The following SYT7 variants were observed in gnomAD, a reference collection of about 807,000 sequenced individuals.
The protein encoded by SYT7 is synaptotagmin 7, also known as synaptotagmin-7.
A neutral mutation model predicts 75.1 loss-of-function variants in SYT7; 29 were observed. The observed-to-expected ratio is 0.39, with a 90% CI of 0.29 to 0.53. The LOEUF (loss-of-function observed/expected upper bound fraction) is 0.53, where lower values mean the gene tolerates loss of function less well. SYT7 is among the 20% of genes least tolerant of loss of function. The probability of loss-of-function intolerance (pLI) is 0.77; values close to 1 mark genes in which losing one functional copy is unlikely to be tolerated. For synonymous variants in SYT7, 376 were observed against 401.7 expected (o/e 0.94, Z 0.76); for missense variants, 693 against 953.2 (o/e 0.73, Z 3.59).
chr11:61,584,128 G>T (rs986154339), upstream of SYT7, among the ~76,000 whole-genome samples: 1 of 152,070 alleles, frequency 6.6e-6, no homozygotes, highest in Admixed American at 6.5e-5. Flanking sequence ...GGTGGCTCAC[G>T]CCTGTAATCC....
intron 1 of SYT7, among the ~76,000 whole-genome samples, chr11:61,562,675 A>G (rs2063669055): frequency 6.6e-6 from 1 of 152,166 alleles, no homozygotes; most frequent in Admixed American, 6.5e-5. Flanking sequence ...CCCTCCCAGG[A>G]CCTGCAGGGC....
At chr11:61,563,602 T>G (rs1480671501) in intron 1 of SYT7, among the ~76,000 whole-genome samples, 1 of 152,168 alleles carries the variant, frequency 6.6e-6, no homozygotes, top group Non-Finnish European at 1.5e-5. Flanking sequence ...GTGATGGCAT[T>G]CTATAATGTG....
At chr11:61,581,551 C>T (rs1411610403), upstream of SYT7, among the ~76,000 whole-genome samples, 1 of 152,342 alleles carries the variant, frequency 6.6e-6, no homozygotes, top group East Asian at 1.9e-4. Context: ...AACACCGCGG[C>T]GGTCCGGGGC....
At chr11:61,557,079 G>A (rs935549523) in intron 1 of SYT7, among the ~76,000 whole-genome samples, 2 of 152,196 alleles carry the variant, frequency 1.3e-5, no homozygotes, top group Non-Finnish European at 2.9e-5. Flanking sequence ...GAAGCACTTG[G>A]TTTCTTCCTC....
upstream of SYT7, among the ~76,000 whole-genome samples, chr11:61,582,931 T>G (rs1444640187): frequency 6.6e-6 from 1 of 152,056 alleles, no homozygotes; most frequent in Non-Finnish European, 1.5e-5. Flanking sequence ...ATTACCCTAG[T>G]AAAGAGTAAA....
rs1473685514 is a variant in SYT7, at chr11:61,515,923, CTT to C, written c.*2702_*2703del. On this transcript the variant is annotated 3_prime_UTR_variant, in exon 13 of 13. Transcript: ENST00000539008. The stretch of plus-strand genomic sequence containing the variant: ...TTGCAGTCAGGATTCGGTAATTACA[CTT>C]TGCTCACGGGTAGCACCTTCGGAGT... The C allele has an allele frequency of 6.6e-6, 1 of 152,652 alleles. No homozygotes were observed. Among genetic ancestry groups the C allele is most frequent in the Non-Finnish European group, 1.5e-5 (1 of 68,074 alleles). 9.5% of individuals were successfully genotyped at this position (152,652 alleles called of 1,614,324 possible). A position where few individuals can be genotyped will look rare whatever the true frequency, so the allele number is the denominator to read the frequency against.
upstream of SYT7, among the ~76,000 whole-genome samples, chr11:61,584,394 CAA>C (rs35108570): frequency 1.5e-5 from 2 of 135,736 alleles, no homozygotes; most frequent in African/African-American, 2.8e-5. Context: ...GACTCCGTCT[CAA>C]AAAAAAAAAA....
In SYT7 at chr11:61,542,431, T is replaced by C. The variant is rs761617485; in HGVS notation, c.721A>G (p.Ser241Gly). The C allele has an allele frequency of 6.5e-7, 1 of 1,532,536 alleles. No individual in the cohort carries two copies. The highest frequency in any genetic ancestry group is 1.2e-5 in the South Asian group (1 of 83,848). 94.9% of individuals were successfully genotyped at this position (1,532,536 alleles called of 1,614,324 possible). ...LSQHQRGRQP[S>G]QPTTSQSLGQ... ...AGGCTCTGGCTGGTGGTGGGCTGGC[T>C]GGGCTGCCGGCCCCGCTGGTGCTGG... Residue 241 changes from serine to glycine, a missense_variant, in exon 6 of 13, where the codon AGC (serine) becomes GGC (glycine). Around this residue, in one of 2 missense-constraint regions of SYT7, gnomAD observed 487 missense variants for 593.2 expected, o/e 0.82. Coordinates refer to ENST00000539008, the MANE Select transcript of SYT7 (RefSeq NM_001365809.2). This position sits in a 1 kb window ranked among gnomAD's most constrained non-coding sequence, Gnocchi z 7.8.
chr11:61,576,867 C>T lies in SYT7; in HGVS notation c.31+3923G>A, dbSNP rs562740082. Among the ~76,000 whole-genome samples, 133 of 152,240 alleles carry T rather than the reference C, an allele frequency of 8.7e-4. No homozygotes were observed. Among genetic ancestry groups the T allele is most frequent in the African/African-American group, 3.0e-3 (125 of 41,528 alleles). ...GCACTCCATGTTGCCCTCAATGCCC[C>T]TTAAGCCTGAGCTTGGGGTCAGCCA... is the stretch of plus-strand genomic sequence containing the variant. On this transcript the variant is annotated intron_variant, in intron 1 of 12. Coordinates refer to ENST00000539008, the MANE Select transcript of SYT7 (RefSeq NM_001365809.2). This position sits in a 1 kb window ranked among gnomAD's most constrained non-coding sequence, Gnocchi z 4.1.
intron 7 of SYT7, among the ~76,000 whole-genome samples, chr11:61,537,623 G>A (rs1367265623): frequency 6.6e-6 from 1 of 151,016 alleles, no homozygotes; most frequent in Non-Finnish European, 1.5e-5. Context: ...TGGTCACCAG[G>A]CCTCTCCCAT....
chr11:61,538,288 C>G, intron 6 of SYT7, 22 bp from the exon 7 acceptor site: 1 of 1,499,254 alleles, frequency 6.7e-7, no homozygotes, highest in Non-Finnish European at 8.9e-7. Context: ...GGGCAGCCCA[C>G]AGGCCAGGGT....
At chr11:61,581,539 T>A (rs2064274548), upstream of SYT7, among the ~76,000 whole-genome samples, 1 of 152,216 alleles carries the variant, frequency 6.6e-6, no homozygotes, top group Non-Finnish European at 1.5e-5. Flanking sequence ...AGCTCCGGAC[T>A]CAACACCGCG....
intron 7 of SYT7, among the ~76,000 whole-genome samples, chr11:61,536,456 CCT>C (rs888645698): frequency 2.4e-4 from 36 of 152,316 alleles, no homozygotes; most frequent in East Asian, 7.7e-4. Context: ...CCAGCCACCC[CCT>C]GTGTGCCTTC....
At chr11:61,567,430 C>T (rs1483460461) in intron 1 of SYT7, among the ~76,000 whole-genome samples, 2 of 152,018 alleles carry the variant, frequency 1.3e-5, no homozygotes, top group Admixed American at 6.5e-5. Context: ...AGTCCTGGGG[C>T]TGCGCCCTCT....
chr11:61,581,333 C>G (rs1470810204), upstream of SYT7, among the ~76,000 whole-genome samples: 1 of 150,770 alleles, frequency 6.6e-6, no homozygotes, highest in Non-Finnish European at 1.5e-5. Context: ...CCGAGCCCCA[C>G]GGCCGGGCTC....
intron 5 of SYT7, among the ~76,000 whole-genome samples, chr11:61,544,488 AT>A (rs2063130268): frequency 6.6e-6 from 1 of 152,142 alleles, no homozygotes; most frequent in South Asian, 2.1e-4. Context: ...CAGGCCTGAA[AT>A]CCAGGCTACC....
At chr11:61,529,419 G>C (rs558519550) in intron 8 of SYT7, among the ~76,000 whole-genome samples, 1 of 152,180 alleles carries the variant, frequency 6.6e-6, no homozygotes, top group East Asian at 1.9e-4. Context: ...ATAGCCAGGC[G>C]AGGCAGGTGT....
chr11:61,534,437 A>ACATG (rs1555004849), intron 7 of SYT7, among the ~76,000 whole-genome samples: 4 of 5,106 alleles, frequency 7.8e-4, no homozygotes, highest in East Asian at 0.016. Context: ...ACACACACGC[A>ACATG]CACGCACGCA....
At chr11:61,535,571 C>G (rs148029861) in intron 7 of SYT7, among the ~76,000 whole-genome samples, 3 of 152,104 alleles carry the variant, frequency 2.0e-5, no homozygotes, top group African/African-American at 7.2e-5. Flanking sequence ...AGTGTGGTGC[C>G]GAGGCCCAGG....
Sources: allele counts gnomAD v4.1 joint callset (sites outside exome capture counted in the v4.1 genomes callset), GRCh38; gene constraint gnomAD v4.1.1; regional missense constraint gnomAD v4.1.1; non-coding constraint Gnocchi (gnomAD v3.1); transcripts MANE v1.5; gene names NCBI Gene and HGNC (gene_info 2026-07-23, HGNC 2026-07-21).